UNC80: variants seen among roughly 807,000 people sequenced by gnomAD.
UNC80 encodes unc-80 subunit of NALCN channel complex.
In UNC80, 164 loss-of-function variants were observed where a neutral mutation model predicts 384.6. The ratio of observed to expected loss-of-function variants is 0.43; its 90% CI spans 0.38 to 0.49. The LOEUF (loss-of-function observed/expected upper bound fraction) is 0.49, where lower values mean the gene tolerates loss of function less well. Ranked by LOEUF, UNC80 falls within the 20% of genes least tolerant of loss-of-function variation. The probability of loss-of-function intolerance (pLI) is 0.00; values close to 1 mark genes in which losing one functional copy is unlikely to be tolerated. For missense variants in UNC80, 3,330 were observed against 4,143.0 expected, an observed-to-expected ratio of 0.80 and a Z score of 5.39; for synonymous variants, 1,486 against 1,527.8, an observed-to-expected ratio of 0.97 and a Z score of 0.64.
chr2:209,904,776 G>C lies in UNC80; in HGVS notation c.4593G>C (p.Leu1531Phe). The change falls in exon 29 of 65, where the codon TTG (leucine) becomes TTC (phenylalanine). Residue 1531 changes from leucine (L) to phenylalanine (F), a missense_variant. Coordinates refer to ENST00000673920, the MANE Select transcript of UNC80 (RefSeq NM_001371986.1). ...RNMSWLHVMILLCNQQSFICT... is the reference protein window; with the variant it reads ...RNMSWLHVMIFLCNQQSFICT... ...TGTTTGTATTCCAGGTGATGATCTTGCTGTGCAATCAGCAGAGTTTCATCT... is the reference window on the plus strand; with the variant it reads ...TGTTTGTATTCCAGGTGATGATCTTCCTGTGCAATCAGCAGAGTTTCATCT... 6.4e-7 allele frequency: 1 copy of C among 1,551,962 alleles called. No individual in the cohort carries two copies. The highest frequency in any genetic ancestry group is 8.7e-7 in the Non-Finnish European group (1 of 1,147,054).
chr2:209,927,034 A>G, intron 36 of UNC80, 48 bp downstream of exon 36: 1 of 1,543,696 alleles, frequency 6.5e-7, no homozygotes, highest in African/African-American at 1.4e-5. Context: ...TAAGCTGTTT[A>G]TCTGATAGAA....
chr2:209,791,188 T>C (rs183146484), intron 6 of UNC80, among the ~76,000 whole-genome samples: 1 of 152,344 alleles, frequency 6.6e-6, no homozygotes, highest in African/African-American at 2.4e-5. Flanking sequence ...TCTAGACTTT[T>C]CTTCTTTGCA....
At chr2:209,923,420 A>C (rs1270044896) in intron 35 of UNC80, among the ~76,000 whole-genome samples, 1 of 152,128 alleles carries the variant, frequency 6.6e-6, no homozygotes, top group Non-Finnish European at 1.5e-5. Flanking sequence ...ATGAGTTAGA[A>C]TTTTGCATTT....
chr2:209,955,717 A>ATATG (rs1358038766), intron 48 of UNC80, among the ~76,000 whole-genome samples: 1 of 85,920 alleles, frequency 1.2e-5, no homozygotes, highest in African/African-American at 7.0e-5. Flanking sequence ...ATATATATAT[A>ATATG]TATATATATA....
intron 11 of UNC80, among the ~76,000 whole-genome samples, chr2:209,818,547 GTTACCACCACAAAT>G (rs547259191): frequency 1.1e-4 from 16 of 152,112 alleles, no homozygotes; most frequent in Middle Eastern, 6.8e-3. Context: ...ATATCTGTTA[GTTACCACCACAAAT>G]TTATTTTCAG....
chr2:209,925,091 C>CT (rs760788567), intron 35 of UNC80, among the ~76,000 whole-genome samples: 2,091 of 142,518 alleles, frequency 0.015, 41 homozygotes, highest in African/African-American at 0.047. Context: ...GTCTTTTTTC[C>CT]TTTTTTTTTT....
At chr2:209,940,024 A>G (rs975182421) in intron 43 of UNC80, among the ~76,000 whole-genome samples, 2 of 152,130 alleles carry the variant, frequency 1.3e-5, no homozygotes, top group African/African-American at 4.8e-5. Context: ...AAGAGTTTGC[A>G]TTTCTATTAA....
At chr2:209,920,881 G>A (rs960030437) in intron 33 of UNC80, among the ~76,000 whole-genome samples, 5 of 151,020 alleles carry the variant, frequency 3.3e-5, no homozygotes, top group Admixed American at 3.3e-4. Context: ...AGGCTGGAGC[G>A]CAGTGGTGTG....
At chr2:209,841,418 C>T (rs1206455647) in intron 20 of UNC80, among the ~76,000 whole-genome samples, 3 of 152,108 alleles carry the variant, frequency 2.0e-5, no homozygotes, top group Admixed American at 2.0e-4. Flanking sequence ...TGCAGTAGCA[C>T]AATCTCGGCT....
At chr2:209,808,766 C>A in intron 7 of UNC80, 1 of 270,542 alleles carries the variant, frequency 3.7e-6, no homozygotes, top group African/African-American at 2.3e-5. Context: ...GCCTGCGCTA[C>A]TTCTGCGCTA....
chr2:209,820,236 C>CAGAATCTGATTAAAG (rs2080039634), intron 12 of UNC80, 75 bp from the exon 13 acceptor site: 1 of 1,441,130 alleles, frequency 6.9e-7, no homozygotes, highest in Non-Finnish European at 9.1e-7. Flanking sequence ...ATGGGTTAAA[C>CAGAATCTGATTAAAG]AGAATAATCA....
At chr2:209,879,638 T>C (rs1032798490) in intron 24 of UNC80, among the ~76,000 whole-genome samples, 1 of 152,204 alleles carries the variant, frequency 6.6e-6, no homozygotes, top group Admixed American at 6.5e-5. Flanking sequence ...AAGTGTTGCA[T>C]ATCCACACAA....
Position 209,786,213 on chromosome 2 carries a change from G to A in UNC80, c.724+24G>A. 1.9e-6 allele frequency: 3 copies of A among 1,611,056 alleles called. No individual in the cohort carries two copies. In the East Asian group the frequency reaches 6.7e-5, roughly 36 times the overall value. ...AGGTTTGTAACTTGGACACTCAGTAGGACAGTATTAGCAGATTCCCTCACA... is the reference window on the plus strand; with the variant it reads ...AGGTTTGTAACTTGGACACTCAGTAAGACAGTATTAGCAGATTCCCTCACA... On this transcript the variant is annotated intron_variant, in intron 5 of 64. Transcript: ENST00000673920.
intron 18 of UNC80, among the ~76,000 whole-genome samples, chr2:209,837,334 A>G (rs574979248): frequency 7.9e-5 from 12 of 152,346 alleles, no homozygotes; most frequent in African/African-American, 2.6e-4. Flanking sequence ...TACTGCAGTA[A>G]TATATGTTGC....
rs112347417 is a variant in UNC80, at chr2:209,832,257, G to A, written c.2775+666G>A. 5.7e-3 allele frequency among the ~76,000 whole-genome samples: 870 copies of A among 152,004 alleles called. 11 individuals carry two copies. The highest frequency in any genetic ancestry group is 0.02 in the African/African-American group (831 of 41,476). On this transcript the variant is annotated intron_variant, in intron 16 of 64. Transcript: ENST00000673920. ...TAAAATCTCACAAATTACCGCTAAC[G>A]AACTTACTCATGTAACCAAATATCA...
intron 32 of UNC80, 141 bp from the exon 33 acceptor site, chr2:209,918,391 C>G (rs2089737314): frequency 2.0e-6 from 2 of 1,025,552 alleles, no homozygotes; most frequent in Non-Finnish European, 2.8e-6. Context: ...GCAAATAGCC[C>G]TTTTCTAAAA....
At chr2:209,870,260 C>T (rs1327429190) in intron 22 of UNC80, among the ~76,000 whole-genome samples, 1 of 152,152 alleles carries the variant, frequency 6.6e-6, no homozygotes, top group African/African-American at 2.4e-5. Flanking sequence ...TTGTGACAGG[C>T]TAAGAATAAA....
chr2:209,990,906 C>T (rs1019820983), intron 61 of UNC80, among the ~76,000 whole-genome samples: 3 of 152,070 alleles, frequency 2.0e-5, no homozygotes, highest in Non-Finnish European at 4.4e-5. Flanking sequence ...TCATAAAAAC[C>T]GTGATAAACC....
chr2:209,858,354 G>C (rs1269046518), intron 22 of UNC80, among the ~76,000 whole-genome samples: 1 of 151,982 alleles, frequency 6.6e-6, no homozygotes, highest in East Asian at 1.9e-4. Flanking sequence ...ATGTCTTTTT[G>C]CCAATCCTTT....
Sources: allele counts gnomAD v4.1 joint callset (sites outside exome capture counted in the v4.1 genomes callset), GRCh38; gene constraint gnomAD v4.1.1; transcripts MANE v1.5; gene names NCBI Gene and HGNC (gene_info 2026-07-23, HGNC 2026-07-21).